Variants in MDFIC2 observed in about 807,000 individuals in gnomAD.
MDFIC2 encodes the protein myoD family inhibitor domain-containing protein 2.
chr3:70,285,082 G>C (rs1553652103), intron 2 of MDFIC2, among the ~76,000 whole-genome samples: 1 of 145,136 alleles, frequency 6.9e-6, no homozygotes, highest in African/African-American at 2.6e-5. Flanking sequence ...TATACTTTAA[G>C]TTTTAGGGTA....
rs551197934 is a variant in MDFIC2, at chr3:70,195,635, T to A, written c.*1291A>T. Among the ~76,000 whole-genome samples, 4 of 152,296 alleles carry A rather than the reference T, an allele frequency of 2.6e-5. No individual in the cohort carries two copies. The highest frequency in any genetic ancestry group is 2.1e-4 in the South Asian group (1 of 4,828). ...TTTCCCTAAATTACACACAAAAAAATTCCCTCAATTCTCCATTTCACTTTT... is the reference window on the plus strand; with the variant it reads ...TTTCCCTAAATTACACACAAAAAAAATCCCTCAATTCTCCATTTCACTTTT... On this transcript the variant is annotated 3_prime_UTR_variant, in exon 4 of 4. Transcript: ENST00000567252.
intron 2 of MDFIC2, among the ~76,000 whole-genome samples, chr3:70,243,164 A>T (rs958886525): frequency 1.3e-5 from 2 of 152,100 alleles, no homozygotes; most frequent in African/African-American, 4.8e-5. Flanking sequence ...TTCTGCAGAC[A>T]AGAGTCTTTG....
At chr3:70,295,010 T>G (rs567513512) in intron 2 of MDFIC2, among the ~76,000 whole-genome samples, 13 of 152,300 alleles carry the variant, frequency 8.5e-5, no homozygotes, top group Admixed American at 4.6e-4. Context: ...TGGGTTCTCA[T>G]GTCTCATTGT....
At chr3:70,300,073 CA>C (rs1429424766) in intron 2 of MDFIC2, among the ~76,000 whole-genome samples, 2 of 152,082 alleles carry the variant, frequency 1.3e-5, no homozygotes, top group African/African-American at 2.4e-5. Flanking sequence ...ATAGCCCAGC[CA>C]AATTCCCCAT....
chr3:70,199,242 A>T (rs1004125314), intron 3 of MDFIC2, among the ~76,000 whole-genome samples: 2 of 152,268 alleles, frequency 1.3e-5, no homozygotes, highest in Admixed American at 1.3e-4. Context: ...AGTGTGAAGG[A>T]CCTGTTCGTA....
At chr3:70,276,970 T>A (rs1399637001) in intron 2 of MDFIC2, among the ~76,000 whole-genome samples, 1 of 150,464 alleles carries the variant, frequency 6.6e-6, no homozygotes, top group East Asian at 1.9e-4. Context: ...TTCACTGGAT[T>A]TTTTTTTTTA....
At chr3:70,291,795 A>C (rs1702242066) in intron 2 of MDFIC2, 2 of 152,208 alleles carry the variant, frequency 1.3e-5, no homozygotes, top group African/African-American at 4.8e-5. Context: ...CTAAATTTTG[A>C]ATAATACATT....
intron 2 of MDFIC2, among the ~76,000 whole-genome samples, chr3:70,217,546 A>G (rs1379553096): frequency 6.6e-6 from 1 of 152,132 alleles, no homozygotes; most frequent in East Asian, 1.9e-4. Context: ...ATTTTTATCA[A>G]TTTAAAAGGA....
At chr3:70,212,363 A>G (rs777544034) in intron 2 of MDFIC2, among the ~76,000 whole-genome samples, 1 of 152,098 alleles carries the variant, frequency 6.6e-6, no homozygotes, top group Non-Finnish European at 1.5e-5. Context: ...CTTCTCCCCA[A>G]ACTGGAATAA....
intron 2 of MDFIC2, among the ~76,000 whole-genome samples, chr3:70,290,602 CG>C (rs1702226353): frequency 6.6e-6 from 1 of 152,202 alleles, no homozygotes; most frequent in Non-Finnish European, 1.5e-5. Context: ...TTCGAGTTTC[CG>C]GGCTGTTTTG....
intron 2 of MDFIC2, among the ~76,000 whole-genome samples, chr3:70,305,989 C>T (rs1279290902): frequency 6.6e-6 from 1 of 152,084 alleles, no homozygotes; most frequent in Non-Finnish European, 1.5e-5. Context: ...ATTCTGATAA[C>T]CATGATAACC....
chr3:70,251,326 C>G (rs889001140), intron 2 of MDFIC2, among the ~76,000 whole-genome samples: 5 of 152,136 alleles, frequency 3.3e-5, no homozygotes, highest in Admixed American at 3.3e-4. Context: ...AGTCTTCAGT[C>G]TTCATTTTCT....
intron 2 of MDFIC2, among the ~76,000 whole-genome samples, chr3:70,263,149 T>A (rs1701884284): frequency 6.6e-6 from 1 of 152,168 alleles, no homozygotes. Context: ...AAACTCTATA[T>A]TTGTCATTAA....
chr3:70,308,803 G>A (rs1447590108), intron 2 of MDFIC2, among the ~76,000 whole-genome samples: 2 of 152,090 alleles, frequency 1.3e-5, no homozygotes, highest in Non-Finnish European at 1.5e-5. Flanking sequence ...TACTCAGAAT[G>A]GTGATGATGG....
At chr3:70,234,787 C>T (rs973826215) in intron 2 of MDFIC2, among the ~76,000 whole-genome samples, 3 of 152,206 alleles carry the variant, frequency 2.0e-5, no homozygotes, top group East Asian at 1.9e-4. Context: ...TTCCTTGCTT[C>T]GTTTTAAGCA....
chr3:70,290,136 C>G (rs1345000029), intron 2 of MDFIC2, among the ~76,000 whole-genome samples: 1 of 152,156 alleles, frequency 6.6e-6, no homozygotes, highest in Non-Finnish European at 1.5e-5. Context: ...GAGAGGCGCT[C>G]TGCTTTTTAG....
intron 2 of MDFIC2, among the ~76,000 whole-genome samples, chr3:70,232,403 T>C (rs968546049): frequency 3.7e-5 from 5 of 136,768 alleles, no homozygotes; most frequent in Non-Finnish European, 1.7e-5. Flanking sequence ...ATGATGTTCC[T>C]ATTTTTTTTT....
chr3:70,273,291 C>G (rs1356884023), intron 2 of MDFIC2, among the ~76,000 whole-genome samples: 1 of 152,202 alleles, frequency 6.6e-6, no homozygotes, highest in Admixed American at 6.5e-5. Context: ...TCAACAATTT[C>G]TCTGAAGACT....
At chr3:70,288,243 A>T (rs1218600003) in intron 2 of MDFIC2, among the ~76,000 whole-genome samples, 1 of 128,970 alleles carries the variant, frequency 7.8e-6, no homozygotes, top group Non-Finnish European at 1.6e-5. Context: ...CATCCCAGAG[A>T]TTCTGGTATG....
Sources: allele counts gnomAD v4.1 joint callset (sites outside exome capture counted in the v4.1 genomes callset), GRCh38; gene constraint gnomAD v4.1.1; transcripts MANE v1.5; gene names NCBI Gene and HGNC (gene_info 2026-07-23, HGNC 2026-07-21).